DRC8: variants seen among roughly 807,000 people sequenced by gnomAD.
The protein encoded by DRC8 is dynein regulatory complex subunit 8, also known as dynein regulatory complex protein 8.
the DRC8 span, chr1:245,017,213 C>A: frequency 6.3e-7 from 1 of 1,575,170 alleles, no homozygotes; most frequent in Non-Finnish European, 8.6e-7. Flanking sequence ...CTAAAGTAAA[C>A]TAATTTTTAT....
At chr1:245,119,074 G>T in the DRC8 span, among the ~76,000 whole-genome samples, 172 of 152,196 alleles carry the variant, frequency 1.1e-3, no homozygotes, top group Non-Finnish European at 1.9e-3. Context: ...GTTATGCGAG[G>T]GTGGGAAAAT....
the DRC8 span, chr1:244,970,500 G>A: frequency 8.6e-6 from 13 of 1,512,626 alleles, no homozygotes; most frequent in Non-Finnish European, 1.1e-5. Flanking sequence ...ACCCCGGGCT[G>A]CACGGGGAAG....
chr1:244,971,428 T>G, the DRC8 span, among the ~76,000 whole-genome samples: 1 of 152,238 alleles, frequency 6.6e-6, no homozygotes, highest in East Asian at 1.9e-4. Flanking sequence ...AAAAAGTGAT[T>G]ACGTTTATTT....
chr1:245,109,160 G>A, the DRC8 span, among the ~76,000 whole-genome samples: 6 of 152,152 alleles, frequency 3.9e-5, no homozygotes, highest in East Asian at 9.6e-4. Context: ...CTGCCTGAGG[G>A]GCGAGAGAGC....
chr1:245,120,455 T>A, the DRC8 span, among the ~76,000 whole-genome samples: 1 of 152,262 alleles, frequency 6.6e-6, no homozygotes, highest in Non-Finnish European at 1.5e-5. Context: ...TTTTCCATCT[T>A]TCAGAAACTC....
chr1:245,069,508 T>C, the DRC8 span, among the ~76,000 whole-genome samples: 2 of 152,042 alleles, frequency 1.3e-5, no homozygotes, highest in African/African-American at 2.4e-5. Flanking sequence ...TTCAAACCCA[T>C]GTTTGAGGGT....
At chr1:245,021,913 G>A in the DRC8 span, among the ~76,000 whole-genome samples, 1 of 152,058 alleles carries the variant, frequency 6.6e-6, no homozygotes, top group Non-Finnish European at 1.5e-5. Context: ...GAGCTCAAGC[G>A]ATCCTCCTGT....
the DRC8 span, among the ~76,000 whole-genome samples, chr1:245,013,745 T>C: frequency 2.6e-5 from 4 of 152,208 alleles, no homozygotes; most frequent in South Asian, 2.1e-4. Flanking sequence ...AGTAGTTAAC[T>C]CTGGGCCGGG....
the DRC8 span, among the ~76,000 whole-genome samples, chr1:245,021,800 A>AT: frequency 6.6e-6 from 1 of 152,258 alleles, no homozygotes; most frequent in Non-Finnish European, 1.5e-5. Context: ...TGGATGAGCA[A>AT]TGTTATGCTG....
At chr1:245,066,245 C>T in the DRC8 span, among the ~76,000 whole-genome samples, 1 of 152,156 alleles carries the variant, frequency 6.6e-6, no homozygotes, top group African/African-American at 2.4e-5. Context: ...TGCAGATATA[C>T]AGTTTGCCTC....
chr1:245,071,220 G>A, the DRC8 span, among the ~76,000 whole-genome samples: 4 of 152,238 alleles, frequency 2.6e-5, no homozygotes, highest in African/African-American at 9.6e-5. Flanking sequence ...TGGGGGTCAA[G>A]GCTGGAAGAC....
chr1:244,982,286 CA>C, the DRC8 span, among the ~76,000 whole-genome samples: 1 of 152,146 alleles, frequency 6.6e-6, no homozygotes, highest in Non-Finnish European at 1.5e-5. Flanking sequence ...CCCGAAGAGA[CA>C]AAGCAAGCAT....
chr1:245,024,664 C>G, the DRC8 span, among the ~76,000 whole-genome samples: 1 of 151,664 alleles, frequency 6.6e-6, no homozygotes, highest in Admixed American at 6.6e-5. Context: ...TCTCCTGTCT[C>G]AGCCTCCTGA....
At chr1:245,034,100 T>C in the DRC8 span, among the ~76,000 whole-genome samples, 1 of 152,212 alleles carries the variant, frequency 6.6e-6, no homozygotes, top group African/African-American at 2.4e-5. Flanking sequence ...TCTGGACTAT[T>C]AATGTCTGCT....
chr1:245,087,568 T>C, the DRC8 span: 1 of 1,175,518 alleles, frequency 8.5e-7, no homozygotes. Context: ...TTACTATTTA[T>C]TTAAAAACTA....
chr1:244,999,581 A>G, the DRC8 span, among the ~76,000 whole-genome samples: 1 of 152,200 alleles, frequency 6.6e-6, no homozygotes, highest in Non-Finnish European at 1.5e-5. Flanking sequence ...ATAAAGATGA[A>G]TTTGATATAG....
chr1:245,119,132 G>A, the DRC8 span, among the ~76,000 whole-genome samples: 1 of 152,154 alleles, frequency 6.6e-6, no homozygotes, highest in African/African-American at 2.4e-5. Flanking sequence ...TCATGGGTAA[G>A]TTTACAGTTT....
At chr1:244,970,555 A>C in the DRC8 span, 1 of 1,392,106 alleles carries the variant, frequency 7.2e-7, no homozygotes, top group Non-Finnish European at 9.4e-7. Context: ...TCCCACCCGC[A>C]GGGAAAGGGC....
the DRC8 span, among the ~76,000 whole-genome samples, chr1:244,973,661 G>A: frequency 6.6e-6 from 1 of 152,012 alleles, no homozygotes; most frequent in Non-Finnish European, 1.5e-5. Context: ...GTATTCACTA[G>A]CATGTCTTTA....
Sources: allele counts gnomAD v4.1 joint callset (sites outside exome capture counted in the v4.1 genomes callset), GRCh38; gene constraint gnomAD v4.1.1; transcripts MANE v1.5; gene names NCBI Gene and HGNC (gene_info 2026-07-23, HGNC 2026-07-21).